WWOX: variants seen among roughly 807,000 people sequenced by gnomAD.
WWOX encodes the protein WW domain containing oxidoreductase.
Under a neutral mutation model 46.2 loss-of-function variants are expected in WWOX, and 69 were observed. The ratio of observed to expected loss-of-function variants is 1.49; its 90% CI spans 1.23 to 1.82. The LOEUF is 1.82. Among genes scored for constraint, WWOX ranks in the 40% most tolerant of loss-of-function variants. The pLI is 0.00. For synonymous variants in WWOX, 359 were observed against 202.6 expected (o/e 1.77, Z -6.56); for missense variants, 919 against 542.6 (o/e 1.69, Z -6.89).
intron 8 of WWOX, among the ~76,000 whole-genome samples, chr16:78,868,931 CT>C (rs2044066281): frequency 6.6e-6 from 1 of 152,062 alleles, no homozygotes; most frequent in Non-Finnish European, 1.5e-5. Flanking sequence ...TAAAACACAC[CT>C]GCGTGCAAAC....
In WWOX at chr16:78,919,830, C is replaced by G. The variant is rs917214493; in HGVS notation, c.1057-291778C>G. ...GCACCTGACTAAGTGGCTTTATTTT[C>G]TTATGTGGGGATCCTGGAGACACAG... On this transcript the variant is annotated intron_variant, in intron 8 of 8. Coordinates refer to ENST00000566780, the MANE Select transcript of WWOX (RefSeq NM_016373.4). 4.6e-5 allele frequency among the ~76,000 whole-genome samples: 7 copies of G among 152,078 alleles called. 1 individual carries two copies. The highest frequency in any genetic ancestry group is 4.2e-4 in the South Asian group (2 of 4,816).
At chr16:78,970,535 G>C (rs2046449378) in intron 8 of WWOX, among the ~76,000 whole-genome samples, 1 of 152,150 alleles carries the variant, frequency 6.6e-6, no homozygotes, top group African/African-American at 2.4e-5. Flanking sequence ...GCTAGGCTTT[G>C]AACAATGTAT....
At chr16:78,888,168 C>A (rs561263736) in intron 8 of WWOX, among the ~76,000 whole-genome samples, 1 of 152,296 alleles carries the variant, frequency 6.6e-6, no homozygotes, top group African/African-American at 2.4e-5. Context: ...AAAAGGTGAG[C>A]TCCTTAAAGA....
intron 8 of WWOX, among the ~76,000 whole-genome samples, chr16:78,586,936 C>G (rs1204728655): frequency 6.6e-6 from 1 of 152,114 alleles, no homozygotes; most frequent in African/African-American, 2.4e-5. Context: ...CTTTTCTTAA[C>G]CCTACAAGAT....
At chr16:78,869,081 A>G (rs1333929653) in intron 8 of WWOX, among the ~76,000 whole-genome samples, 2 of 152,202 alleles carry the variant, frequency 1.3e-5, no homozygotes, top group Non-Finnish European at 2.9e-5. Flanking sequence ...CTGTATGTTT[A>G]TTTACATTAG....
chr16:79,045,280 T>A (rs570451727), intron 8 of WWOX, among the ~76,000 whole-genome samples: 1 of 152,314 alleles, frequency 6.6e-6, no homozygotes, highest in East Asian at 1.9e-4. Flanking sequence ...GCCTCTGGGA[T>A]TCAGTGATAG....
At chr16:78,925,343 A>G (rs59283096) in intron 8 of WWOX, among the ~76,000 whole-genome samples, 32,340 of 152,002 alleles carry the variant, frequency 0.21, 3,682 homozygotes, top group East Asian at 0.33. Flanking sequence ...ACAGAGTTCT[A>G]AAATGGCAAC....
intron 5 of WWOX, among the ~76,000 whole-genome samples, chr16:78,186,962 C>T (rs539812134): frequency 8.5e-5 from 13 of 152,160 alleles, no homozygotes; most frequent in South Asian, 4.2e-4. Flanking sequence ...AGATTTTATC[C>T]GAGTTCTGCT....
intron 8 of WWOX, among the ~76,000 whole-genome samples, chr16:78,711,487 T>G (rs1342064075): frequency 6.6e-6 from 1 of 152,194 alleles, no homozygotes; most frequent in Non-Finnish European, 1.5e-5. Context: ...CTAAGAAGAC[T>G]ATCAATTTTA....
At chr16:79,210,535 C>T (rs1381737666) in intron 8 of WWOX, among the ~76,000 whole-genome samples, 1 of 152,158 alleles carries the variant, frequency 6.6e-6, no homozygotes, top group Non-Finnish European at 1.5e-5. Flanking sequence ...AGCTTATCTT[C>T]AGTTACCTTT....
intron 8 of WWOX, among the ~76,000 whole-genome samples, chr16:78,983,094 T>G (rs2046714762): frequency 6.6e-6 from 1 of 152,220 alleles, no homozygotes; most frequent in Non-Finnish European, 1.5e-5. Flanking sequence ...TGTGTTTTGC[T>G]TTTGTAGACT....
At chr16:78,442,618 C>G (rs760287596) in intron 8 of WWOX, among the ~76,000 whole-genome samples, 3 of 152,136 alleles carry the variant, frequency 2.0e-5, no homozygotes, top group Non-Finnish European at 4.4e-5. Context: ...TATAGATACC[C>G]ATTCTCGTAA....
chr16:79,004,287 C>A (rs1324790594), intron 8 of WWOX: 1 of 152,200 alleles, frequency 6.6e-6, no homozygotes, highest in South Asian at 2.1e-4. Context: ...GGCAGTACCG[C>A]ATGGCGAGCC....
intron 8 of WWOX, among the ~76,000 whole-genome samples, chr16:78,717,165 C>T (rs2048583911): frequency 6.6e-6 from 1 of 152,076 alleles, no homozygotes; most frequent in Admixed American, 6.6e-5. Flanking sequence ...GTCTGTCTCC[C>T]CAGGCTTAGT....
intron 5 of WWOX, among the ~76,000 whole-genome samples, chr16:78,285,519 C>A (rs1597444621): frequency 6.6e-6 from 1 of 152,202 alleles, no homozygotes; most frequent in Non-Finnish European, 1.5e-5. Flanking sequence ...CCATGAAGCC[C>A]CATAGGATGG....
chr16:78,944,145 ATTG>A (rs1458078312), intron 8 of WWOX, among the ~76,000 whole-genome samples: 3 of 152,076 alleles, frequency 2.0e-5, no homozygotes, highest in Non-Finnish European at 2.9e-5. Context: ...CTATGATAAG[ATTG>A]TTGTTGATTG....
chr16:78,107,367 A>C (rs8045450), intron 1 of WWOX, among the ~76,000 whole-genome samples: 59,947 of 152,180 alleles, frequency 0.39, 12,409 homozygotes, highest in African/African-American at 0.54. Flanking sequence ...ACGCAAAAAT[A>C]GGACTAGTTT....
chr16:78,711,539 C>A (rs532043352), intron 8 of WWOX, among the ~76,000 whole-genome samples: 3 of 152,056 alleles, frequency 2.0e-5, no homozygotes, highest in Non-Finnish European at 2.9e-5. Context: ...AAAGGCCAGC[C>A]GCAAAGATTG....
At chr16:78,656,523 C>T (rs907674652) in intron 8 of WWOX, among the ~76,000 whole-genome samples, 1 of 152,120 alleles carries the variant, frequency 6.6e-6, no homozygotes, top group South Asian at 2.1e-4. Context: ...GAGTAGGAGG[C>T]AAGGAGCGAA....
Sources: allele counts gnomAD v4.1 joint callset (sites outside exome capture counted in the v4.1 genomes callset), GRCh38; gene constraint gnomAD v4.1.1; transcripts MANE v1.5; gene names NCBI Gene and HGNC (gene_info 2026-07-23, HGNC 2026-07-21).